The following SLC10A7 variants were observed in gnomAD, a reference collection of about 807,000 sequenced individuals.
SLC10A7 encodes sodium/bile acid cotransporter 7.
A neutral mutation model predicts 43.2 loss-of-function variants in SLC10A7; 29 were observed. That is an observed-to-expected ratio of 0.67 (90% CI 0.50 to 0.92). The LOEUF is 0.92. Ranked by LOEUF, SLC10A7 falls within the 40% of genes least tolerant of loss-of-function variation. The pLI is 0.00. For synonymous variants in SLC10A7, 152 were observed against 144.8 expected, an observed-to-expected ratio of 1.05 and a Z score of -0.35; for missense variants, 295 against 403.2, an observed-to-expected ratio of 0.73 and a Z score of 2.30.
chr4:146,502,798 A>C (rs1005759541), intron 4 of SLC10A7, among the ~76,000 whole-genome samples: 1 of 152,212 alleles, frequency 6.6e-6, no homozygotes, highest in African/African-American at 2.4e-5. Flanking sequence ...CCATTGCATA[A>C]AACTCTAAAA....
intron 4 of SLC10A7, among the ~76,000 whole-genome samples, chr4:146,490,565 T>C (rs1431883431): frequency 1.3e-5 from 2 of 152,210 alleles, no homozygotes; most frequent in African/African-American, 4.8e-5. Context: ...TTCAAACCAG[T>C]GTGAACTTAA....
intron 5 of SLC10A7, among the ~76,000 whole-genome samples, chr4:146,375,537 AC>A (rs1178471380): frequency 2.0e-5 from 3 of 151,978 alleles, no homozygotes; most frequent in Non-Finnish European, 4.4e-5. Context: ...GCTCCCTTTA[AC>A]GTATAAGCAT....
At chr4:146,314,736 C>T (rs957191097) in intron 6 of SLC10A7, among the ~76,000 whole-genome samples, 5 of 152,090 alleles carry the variant, frequency 3.3e-5, no homozygotes, top group African/African-American at 1.2e-4. Flanking sequence ...GGTCTTGATG[C>T]TCAATTGACC....
chr4:146,367,442 T>G (rs933914619), intron 5 of SLC10A7, among the ~76,000 whole-genome samples: 3 of 152,156 alleles, frequency 2.0e-5, no homozygotes, highest in Non-Finnish European at 2.9e-5. Context: ...ATTTTTTAAT[T>G]AATTTAAATT....
chr4:146,503,945 C>G (rs752819768), intron 3 of SLC10A7, 21 bp from the exon 4 acceptor site: 1 of 1,604,340 alleles, frequency 6.2e-7, no homozygotes, highest in South Asian at 1.1e-5. Context: ...AAAGAAAATC[C>G]AACTATAAAT....
At chr4:146,501,351 G>T (rs1044015561) in intron 4 of SLC10A7, among the ~76,000 whole-genome samples, 19 of 152,088 alleles carry the variant, frequency 1.2e-4, no homozygotes, top group African/African-American at 4.3e-4. Flanking sequence ...TACCTATGTG[G>T]CTGACATTAC....
intron 5 of SLC10A7, among the ~76,000 whole-genome samples, chr4:146,385,276 C>T (rs1263883282): frequency 6.6e-6 from 1 of 152,090 alleles, no homozygotes; most frequent in Non-Finnish European, 1.5e-5. Context: ...TCTCTAATCC[C>T]TATAGTAATT....
chr4:146,383,579 G>C (rs1737786561), intron 5 of SLC10A7, among the ~76,000 whole-genome samples: 1 of 152,162 alleles, frequency 6.6e-6, no homozygotes, highest in South Asian at 2.1e-4. Flanking sequence ...GTGTGCTTTT[G>C]TTTTCAATAT....
intron 2 of SLC10A7, among the ~76,000 whole-genome samples, chr4:146,512,786 A>G (rs1309332115): frequency 6.6e-6 from 1 of 152,196 alleles, no homozygotes; most frequent in Non-Finnish European, 1.5e-5. Context: ...ATGTTTCCAA[A>G]TATAGGAAAT....
intron 4 of SLC10A7, among the ~76,000 whole-genome samples, chr4:146,488,287 T>C (rs1390246972): frequency 6.6e-6 from 1 of 152,286 alleles, no homozygotes; most frequent in East Asian, 1.9e-4. Flanking sequence ...CCTGAAAAAG[T>C]ATATTAAATA....
intron 4 of SLC10A7, among the ~76,000 whole-genome samples, chr4:146,458,838 T>C (rs541095672): frequency 3.9e-5 from 6 of 151,988 alleles, no homozygotes; most frequent in Non-Finnish European, 8.8e-5. Context: ...TTTACTTATC[T>C]GATCTGATTT....
At chr4:146,317,222 T>C (rs1732388952) in intron 6 of SLC10A7, among the ~76,000 whole-genome samples, 1 of 152,092 alleles carries the variant, frequency 6.6e-6, no homozygotes, top group Non-Finnish European at 1.5e-5. Context: ...CCAACCCAAC[T>C]TTTTGGACAG....
chr4:146,355,633 C>A (rs1223280400), intron 5 of SLC10A7, among the ~76,000 whole-genome samples: 2 of 151,894 alleles, frequency 1.3e-5, no homozygotes, highest in African/African-American at 2.4e-5. Flanking sequence ...AGACTTGGAA[C>A]CAACGCAAAT....
At chr4:146,326,147 A>G (rs1212192008) in intron 5 of SLC10A7, 151 bp from the exon 6 acceptor site, 7 of 645,118 alleles carry the variant, frequency 1.1e-5, no homozygotes, top group East Asian at 5.7e-5. Context: ...TCCCAATCTT[A>G]GCTTTCTCTT....
intron 5 of SLC10A7, among the ~76,000 whole-genome samples, chr4:146,326,593 C>A (rs1189166043): frequency 1.3e-5 from 2 of 152,166 alleles, no homozygotes; most frequent in East Asian, 3.8e-4. Context: ...CTCCCCTAGG[C>A]AGAAATGAGC....
chr4:146,497,833 G>A (rs1205847179), intron 4 of SLC10A7, among the ~76,000 whole-genome samples: 1 of 151,506 alleles, frequency 6.6e-6, no homozygotes, highest in Non-Finnish European at 1.5e-5. Context: ...GATAGTTATT[G>A]TAAGGCAGAA....
intron 7 of SLC10A7, among the ~76,000 whole-genome samples, chr4:146,297,369 A>T (rs1305723425): frequency 1.3e-5 from 2 of 152,218 alleles, no homozygotes; most frequent in Non-Finnish European, 2.9e-5. Flanking sequence ...AAATGGAGCC[A>T]CATATCAATT....
intron 6 of SLC10A7, among the ~76,000 whole-genome samples, chr4:146,314,307 T>C (rs1448382609): frequency 6.6e-6 from 1 of 152,170 alleles, no homozygotes; most frequent in African/African-American, 2.4e-5. Context: ...CTATTGAATT[T>C]AAGAACTACT....
At chr4:146,513,581 T>C (rs567488081) in intron 2 of SLC10A7, among the ~76,000 whole-genome samples, 1 of 152,110 alleles carries the variant, frequency 6.6e-6, no homozygotes, top group Non-Finnish European at 1.5e-5. Flanking sequence ...CAATTAGAAA[T>C]TGCCATTGCA....
Sources: allele counts gnomAD v4.1 joint callset (sites outside exome capture counted in the v4.1 genomes callset), GRCh38; gene constraint gnomAD v4.1.1; transcripts MANE v1.5; gene names NCBI Gene and HGNC (gene_info 2026-07-23, HGNC 2026-07-21).